Variants in IL15 observed in about 807,000 individuals in gnomAD.
IL15 encodes interleukin-15.
Under a neutral mutation model 19.6 loss-of-function variants are expected in IL15, and 11 were observed. That is an observed-to-expected ratio of 0.56 (90% confidence interval 0.35 to 0.93). IL15 has a LOEUF of 0.93. Ranked by LOEUF, IL15 falls within the 40% of genes least tolerant of loss-of-function variation. IL15 has a pLI of 0.01. For synonymous variants in IL15, 58 were observed against 59.6 expected (o/e 0.97, Z 0.12); for missense variants, 197 against 186.5 (o/e 1.06, Z -0.33).
At chr4:141,720,325 G>A in intron 3 of IL15, 144 bp from the exon 4 acceptor site, 1 of 577,972 alleles carries the variant, frequency 1.7e-6, no homozygotes, top group Non-Finnish European at 3.0e-6. Context: ...ATAAATTATA[G>A]TTTTATTATT....
intron 1 of IL15, among the ~76,000 whole-genome samples, chr4:141,648,313 A>G (rs1727296100): frequency 6.6e-6 from 1 of 152,120 alleles, no homozygotes; most frequent in African/African-American, 2.4e-5. Flanking sequence ...CGTTTGTTTA[A>G]TATTTTGTGC....
chr4:141,706,053 C>T (rs910579463), intron 2 of IL15, among the ~76,000 whole-genome samples: 10 of 151,912 alleles, frequency 6.6e-5, no homozygotes, highest in Non-Finnish European at 1.2e-4. Context: ...CACTTATATT[C>T]AAGGTTATTA....
chr4:141,730,231 T>A (rs751447391), intron 7 of IL15, among the ~76,000 whole-genome samples: 4 of 152,170 alleles, frequency 2.6e-5, no homozygotes, highest in Non-Finnish European at 5.9e-5. Flanking sequence ...AGAATTATAG[T>A]TGCAAACCAG....
rs564609413 is a variant in IL15, at chr4:141,722,143, G to C, written c.195+135G>C. On this transcript the variant is annotated intron_variant, in intron 5 of 7. Coordinates refer to ENST00000320650, the MANE Select transcript of IL15 (RefSeq NM_000585.5). ...TTGTAGAAATTTATGATCTTATAAAGCTCAAAAAGAAGTCTTTTCCTTACT... is the reference window on the plus strand; with the variant it reads ...TTGTAGAAATTTATGATCTTATAAACCTCAAAAAGAAGTCTTTTCCTTACT... 5.9e-6 allele frequency: 7 copies of C among 1,183,366 alleles called. No individual in the cohort carries two copies. In the African/African-American group the frequency reaches 1.1e-4, roughly 18 times the overall value. The allele number at this position is 1,183,366 out of a possible 1,614,324, so 73.3% of individuals were successfully genotyped here. A position where few individuals can be genotyped will look rare whatever the true frequency, so the allele number is the denominator to read the frequency against.
chr4:141,681,597 A>G (rs531654578), intron 2 of IL15, among the ~76,000 whole-genome samples: 1 of 152,306 alleles, frequency 6.6e-6, no homozygotes, highest in East Asian at 1.9e-4. Context: ...TTCTAGCATG[A>G]CAGTGGGTAC....
At chr4:141,638,379 A>G (rs1006903120) in intron 1 of IL15, among the ~76,000 whole-genome samples, 4 of 152,208 alleles carry the variant, frequency 2.6e-5, no homozygotes, top group African/African-American at 9.6e-5. Flanking sequence ...TCTCTCCTGC[A>G]GTATCATCTG....
intron 2 of IL15, among the ~76,000 whole-genome samples, chr4:141,670,484 C>G (rs1281252412): frequency 6.6e-6 from 1 of 152,154 alleles, no homozygotes; most frequent in Non-Finnish European, 1.5e-5. Context: ...GAAGAAGTCT[C>G]TTAAACTAAC....
chr4:141,733,109 T>A lies in IL15; in HGVS notation c.*261T>A. Reference sequence around the variant, plus strand: ...ATTGAAATTGTACATATTTGTGGAATAATGTAAAATGTTGAATAAAAATAT... The same window carrying A: ...ATTGAAATTGTACATATTTGTGGAAAAATGTAAAATGTTGAATAAAAATAT... On this transcript the variant is annotated 3_prime_UTR_variant, in exon 8 of 8. Transcript: ENST00000320650. The A allele has an allele frequency of 9.5e-6, 3 of 316,498 alleles. No individual in the cohort carries two copies. Among genetic ancestry groups the A allele is most frequent in the African/African-American group, 4.4e-5 (2 of 45,638 alleles). The allele number at this position is 316,498 out of a possible 1,614,324, so 19.6% of individuals were successfully genotyped here.
chr4:141,728,805 G>C (rs1355938366), intron 6 of IL15, among the ~76,000 whole-genome samples: 2 of 152,126 alleles, frequency 1.3e-5, no homozygotes, highest in African/African-American at 4.8e-5. Context: ...TCTGGCTTCA[G>C]CATGGATTCT....
At chr4:141,731,813 C>G (rs1730461652) in intron 7 of IL15, among the ~76,000 whole-genome samples, 1 of 152,136 alleles carries the variant, frequency 6.6e-6, no homozygotes, top group Non-Finnish European at 1.5e-5. Flanking sequence ...GATATAAAAT[C>G]TAATTTTTAT....
At chr4:141,663,263 T>A (rs1013932678) in intron 2 of IL15, among the ~76,000 whole-genome samples, 1 of 152,148 alleles carries the variant, frequency 6.6e-6, no homozygotes, top group South Asian at 2.1e-4. Flanking sequence ...ATAAACAAGG[T>A]GAACTGACAA....
At chr4:141,686,062 C>T (rs776030379) in intron 2 of IL15, among the ~76,000 whole-genome samples, 3 of 151,956 alleles carry the variant, frequency 2.0e-5, no homozygotes, top group Non-Finnish European at 2.9e-5. Context: ...TTTGAGAGGT[C>T]GAGACGGGCA....
At chr4:141,696,002 T>C (rs536862265) in intron 2 of IL15, among the ~76,000 whole-genome samples, 4 of 152,286 alleles carry the variant, frequency 2.6e-5, no homozygotes, top group African/African-American at 9.6e-5. Context: ...GATTTTGAAG[T>C]TATTTAAAAA....
intron 2 of IL15, among the ~76,000 whole-genome samples, chr4:141,710,430 CTTT>C (rs898908360): frequency 6.6e-6 from 1 of 151,786 alleles, no homozygotes; most frequent in Non-Finnish European, 1.5e-5. Flanking sequence ...CTTGGCATAT[CTTT>C]TTTTTGTAAT....
rs1269595489 is a variant in IL15, at chr4:141,714,411, T to C, written c.-99-4955T>C. Among the ~76,000 whole-genome samples the C allele has an allele frequency of 2.6e-5, 4 of 152,164 alleles. No homozygotes were observed. In the East Asian group the frequency reaches 7.7e-4, roughly 29 times the overall value. ...CATCAGCATGCAAACATGTTGTTAT[T>C]TCCACCACTTACCACCTGCAACAAC... On this transcript the variant is annotated intron_variant, in intron 2 of 7. Coordinates refer to ENST00000320650, the MANE Select transcript of IL15 (RefSeq NM_000585.5).
chr4:141,642,206 G>A (rs1211380540), intron 1 of IL15, among the ~76,000 whole-genome samples: 1 of 152,094 alleles, frequency 6.6e-6, no homozygotes, highest in African/African-American at 2.4e-5. Context: ...GGAGAGATAG[G>A]CATTTTTTTC....
chr4:141,727,436 T>C (rs1235526306), intron 5 of IL15, among the ~76,000 whole-genome samples: 3 of 152,114 alleles, frequency 2.0e-5, no homozygotes, highest in Non-Finnish European at 4.4e-5. Flanking sequence ...GACAAAATTA[T>C]AGGCATGGAG....
At chr4:141,724,123 T>C (rs1429385861) in intron 5 of IL15, among the ~76,000 whole-genome samples, 2 of 152,112 alleles carry the variant, frequency 1.3e-5, no homozygotes, top group Non-Finnish European at 2.9e-5. Flanking sequence ...GAATTTGTTC[T>C]CAAACCACAA....
Position 141,649,432 on chromosome 4 carries a change from GTGGTGGAAC to G in IL15, c.-221-6750_-221-6742del, listed in dbSNP as rs542989704. On this transcript the variant is annotated intron_variant, in intron 1 of 7. Transcript: ENST00000320650. ...CTGGTGCAGGGACTACCAGTAGGAA[GTGGTGGAAC>G]TGGAGCTTGAACTCAGGTTTCTCTC... Among the ~76,000 whole-genome samples, 407 of 152,178 alleles carry G rather than the reference GTGGTGGAAC, an allele frequency of 2.7e-3. 4 individuals are homozygous for G. Among genetic ancestry groups the G allele is most frequent in the African/African-American group, 9.6e-3 (398 of 41,540 alleles).
Sources: gnomAD v4.1 joint callset for allele counts (sites outside exome capture counted in the v4.1 genomes callset) on GRCh38, gnomAD v4.1.1 for gene constraint, MANE v1.5 for transcripts, NCBI Gene and HGNC (gene_info 2026-07-23, HGNC 2026-07-21) for gene names.